TBCD: variants seen among roughly 807,000 people sequenced by gnomAD.
TBCD encodes tubulin-specific chaperone D.
TBCD carries 105 observed loss-of-function variants against 169.3 expected under a neutral mutation model. That is an observed-to-expected ratio of 0.62 (90% CI 0.53 to 0.73). TBCD has a LOEUF of 0.73. Ranked by LOEUF, TBCD falls within the 30% of genes least tolerant of loss-of-function variation. TBCD has a pLI of 0.00. For synonymous variants in TBCD, 700 were observed against 643.9 expected (o/e 1.09, Z -1.32); for missense variants, 1,444 against 1,600.1 (o/e 0.90, Z 1.66).
chr17:82,871,922 G>A (rs2057596476), intron 14 of TBCD, among the ~76,000 whole-genome samples: 1 of 145,034 alleles, frequency 6.9e-6, no homozygotes, highest in African/African-American at 2.9e-5. Flanking sequence ...AGCTCGTTGT[G>A]AGGCACACGC....
chr17:82,868,899 G>A (rs532309955), intron 13 of TBCD, among the ~76,000 whole-genome samples: 11 of 152,332 alleles, frequency 7.2e-5, no homozygotes, highest in African/African-American at 1.4e-4. Flanking sequence ...CGGCGTGTGC[G>A]TGGAGCGGGT....
intron 13 of TBCD, among the ~76,000 whole-genome samples, chr17:82,855,665 G>T (rs946742058): frequency 9.2e-5 from 14 of 152,140 alleles, no homozygotes; most frequent in African/African-American, 3.4e-4. Flanking sequence ...TAACTTTAAA[G>T]TGAAAAACTC....
chr17:82,940,221 GCACACA>G (rs71168175), intron 37 of TBCD, among the ~76,000 whole-genome samples: 82 of 131,806 alleles, frequency 6.2e-4, no homozygotes, highest in African/African-American at 1.6e-3. Context: ...TTGCACGCGC[GCACACA>G]CACACACACA....
At chr17:82,927,473 C>T (rs1240121536) in intron 29 of TBCD, 150 bp downstream of exon 29, 1 of 1,173,932 alleles carries the variant, frequency 8.5e-7, no homozygotes, top group African/African-American at 1.6e-5. Flanking sequence ...ATGACCTGTT[C>T]TCTGCTCCCG....
chr17:82,830,576 C>A, intron 13 of TBCD: 1 of 1,614,084 alleles, frequency 6.2e-7, no homozygotes. Context: ...TGTGGAACAG[C>A]AGCAGCAGGT....
In TBCD at chr17:82,906,063, G is replaced by T; in HGVS notation, c.1922+10G>T. 1 of 1,590,566 alleles carries T rather than the reference G, an allele frequency of 6.3e-7. No individual in the cohort carries two copies. Among genetic ancestry groups the T allele is most frequent in the Non-Finnish European group, 8.6e-7 (1 of 1,166,886 alleles). ...CAGCCCAAGAGAACAGGTAGGAAGA[G>T]TGGGTCTCGAGGAGACACAGGGCTC... On this transcript the variant is annotated intron_variant, in intron 20 of 38. Coordinates refer to ENST00000355528, the MANE Select transcript of TBCD (RefSeq NM_005993.5).
intron 13 of TBCD, among the ~76,000 whole-genome samples, chr17:82,822,086 C>T (rs1014646621): frequency 2.6e-5 from 4 of 152,170 alleles, no homozygotes; most frequent in African/African-American, 7.2e-5. Context: ...TAGATTAATT[C>T]CCACCTGTGG....
At chr17:82,909,185 T>C (rs903722329) in intron 21 of TBCD, 100 bp from the exon 22 acceptor site, 1 of 1,011,820 alleles carries the variant, frequency 9.9e-7, no homozygotes, top group African/African-American at 1.6e-5. Context: ...CATGGCATCT[T>C]CTGCCATTTT....
chr17:82,801,830 G>A (rs1184552169), intron 9 of TBCD, among the ~76,000 whole-genome samples: 1 of 146,272 alleles, frequency 6.8e-6, no homozygotes, highest in Non-Finnish European at 1.5e-5. Flanking sequence ...AGGGCGGCGT[G>A]TGCGTCGTGT....
chr17:82,764,813 C>CTG lies in TBCD; in HGVS notation c.333+754_333+755dup, dbSNP rs61423956. On this transcript the variant is annotated intron_variant, in intron 3 of 38. Transcript: ENST00000355528. ...GCTTTTCTTACAAGCTTGCGGGTGT[C>CTG]TGTGCTCATAGTCTGCTTTTCTTAC... is the stretch of plus-strand genomic sequence containing the variant. Among the ~76,000 whole-genome samples the CTG allele has an allele frequency of 1.2e-3, 86 of 74,222 alleles. 20 individuals carry two copies. The highest frequency in any genetic ancestry group is 6.3e-3 in the African/African-American group (71 of 11,184). The allele number at this position is 74,222 out of a possible 152,430, so 48.7% of individuals were successfully genotyped here. A position where few individuals can be genotyped will look rare whatever the true frequency, so the allele number is the denominator to read the frequency against.
In TBCD at chr17:82,920,079, G is replaced by C. The variant is rs971472215; in HGVS notation, c.2039-477G>C. 1.3e-5 allele frequency among the ~76,000 whole-genome samples: 2 copies of C among 152,128 alleles called. No individual in the cohort carries two copies. The highest frequency in any genetic ancestry group is 2.9e-5 in the Non-Finnish European group (2 of 68,014). ...TCCTGGCCCCCTCGTGGCTGGTCAGGGCCACGTTTCTGGTCATGGAGAGTG... is the reference window on the plus strand; with the variant it reads ...TCCTGGCCCCCTCGTGGCTGGTCAGCGCCACGTTTCTGGTCATGGAGAGTG... On this transcript the variant is annotated intron_variant, in intron 23 of 38. Coordinates refer to ENST00000355528, the MANE Select transcript of TBCD (RefSeq NM_005993.5). The surrounding 1 kb of genome is among the most constrained non-coding windows in gnomAD (Gnocchi z 4.1).
intron 14 of TBCD, among the ~76,000 whole-genome samples, chr17:82,870,983 C>T (rs2057516529): frequency 6.6e-6 from 1 of 152,246 alleles, no homozygotes; most frequent in Admixed American, 6.5e-5. Flanking sequence ...GATGTCAGCT[C>T]CTCTGAGATG....
At chr17:82,907,843 G>A (rs963730021) in intron 21 of TBCD, 22 bp downstream of exon 21, 1 of 1,610,810 alleles carries the variant, frequency 6.2e-7, no homozygotes, top group Non-Finnish European at 8.5e-7. Flanking sequence ...GCCTCTGGGT[G>A]TACCCTCAGG....
chr17:82,797,729 C>G, intron 7 of TBCD, 28 bp from the exon 8 acceptor site: 1 of 1,393,258 alleles, frequency 7.2e-7, no homozygotes, highest in Non-Finnish European at 9.7e-7. Context: ...GTATTTGTAA[C>G]ATTAAAAATC....
intron 12 of TBCD, among the ~76,000 whole-genome samples, chr17:82,813,746 G>T (rs1466421686): frequency 3.9e-5 from 6 of 152,190 alleles, no homozygotes; most frequent in Non-Finnish European, 8.8e-5. Flanking sequence ...GTGAAAATAC[G>T]CAAGGGGCTC....
At position 82,758,384 on chromosome 17, in the gene TBCD, G is replaced by GAAAAAAAAAATAAAA. The variant is rs2047525743; in HGVS notation, c.235+2179_235+2180insTAAAAAAAAAAAAAA. On this transcript the variant is annotated intron_variant, in intron 2 of 38. Transcript: ENST00000355528. Reference sequence around the variant, plus strand: ...GGGCAACAAGAACGAAAACGTCTCGGAAAAAAAAAAAAAAAAAAATAAATA... The same window carrying GAAAAAAAAAATAAAA: ...GGGCAACAAGAACGAAAACGTCTCGGAAAAAAAAAATAAAAAAAAAAAAAAAAAAAAAAATAAATA... Among the ~76,000 whole-genome samples, 9 of 25,018 alleles carry GAAAAAAAAAATAAAA rather than the reference G, an allele frequency of 3.6e-4. 2 individuals are homozygous for GAAAAAAAAAATAAAA. The South Asian group carries it at 0.016, about 43-fold the overall frequency. The allele number at this position is 25,018 out of a possible 152,430, so 16.4% of individuals were successfully genotyped here. A position where few individuals can be genotyped will look rare whatever the true frequency, so the allele number is the denominator to read the frequency against.
intron 11 of TBCD, 142 bp from the exon 12 acceptor site, chr17:82,809,566 G>C (rs927395514): frequency 1.5e-5 from 12 of 803,138 alleles, no homozygotes; most frequent in African/African-American, 1.4e-4. Flanking sequence ...CTCCAAGCAG[G>C]GTGCGGGCTT....
chr17:82,852,950 G>C (rs1014659607), intron 13 of TBCD, among the ~76,000 whole-genome samples: 26 of 152,186 alleles, frequency 1.7e-4, no homozygotes, highest in African/African-American at 6.3e-4. Flanking sequence ...TCTGGCTTGC[G>C]ATGCGTTCTG....
At chr17:82,914,580 C>T (rs1326046156) in intron 23 of TBCD, among the ~76,000 whole-genome samples, 7 of 152,174 alleles carry the variant, frequency 4.6e-5, no homozygotes, top group East Asian at 3.9e-4. Flanking sequence ...CGCCTCGCAC[C>T]GTGGCGGGCG....
Sources: allele counts gnomAD v4.1 joint callset (sites outside exome capture counted in the v4.1 genomes callset), GRCh38; gene constraint gnomAD v4.1.1; non-coding constraint Gnocchi (gnomAD v3.1); transcripts MANE v1.5; gene names NCBI Gene and HGNC (gene_info 2026-07-23, HGNC 2026-07-21).